The following C12orf56 variants were observed in gnomAD, a reference collection of about 807,000 sequenced individuals.
The protein encoded by C12orf56 is chromosome 12 open reading frame 56, also known as uncharacterized protein C12orf56.
A neutral mutation model predicts 69.9 loss-of-function variants in C12orf56; 71 were observed. The observed-to-expected ratio is 1.02, with a 90% confidence interval of 0.84 to 1.24. The LOEUF (loss-of-function observed/expected upper bound fraction) is 1.24, where lower values mean the gene tolerates loss of function less well. Ranked by LOEUF, C12orf56 falls within the 50% of genes most tolerant of loss-of-function variation. C12orf56 has a pLI of 0.00. For missense variants in C12orf56, 732 were observed against 738.5 expected (o/e 0.99, Z 0.10); for synonymous variants, 276 against 274.1 (o/e 1.01, Z -0.07).
intron 3 of C12orf56, among the ~76,000 whole-genome samples, chr12:64,329,774 G>A (rs570176512): frequency 1.6e-4 from 23 of 147,442 alleles, no homozygotes; most frequent in African/African-American, 4.8e-4. Context: ...AGAATATGCC[G>A]TGTTTGGTTT....
In C12orf56 at chr12:64,318,960, G is replaced by A; in HGVS notation, c.509C>T (p.Thr170Ile). 1 of 1,503,504 alleles carries A rather than the reference G, an allele frequency of 6.7e-7. No individual in the cohort carries two copies. The highest frequency in any genetic ancestry group is 8.8e-7 in the Non-Finnish European group (1 of 1,130,850). The allele number at this position is 1,503,504 out of a possible 1,614,324, so 93.1% of individuals were successfully genotyped here. ...SPLRDQQESSTPSKDSTLCPR... is the reference protein window; with the variant it reads ...SPLRDQQESSIPSKDSTLCPR... Reference sequence around the variant, plus strand: ...ACAGAGAGTTGAGTCCTTGGATGGTGTACTGCTCTCCTGCTGGTCCCTGTC... The same window carrying A: ...ACAGAGAGTTGAGTCCTTGGATGGTATACTGCTCTCCTGCTGGTCCCTGTC... The change falls in exon 4 of 13, where the codon ACA (threonine) becomes ATA (isoleucine). Residue 170 changes from threonine to isoleucine, a missense_variant. Thr to Ile is a moderately conservative substitution (Grantham distance 89). Transcript: ENST00000543942.
At chr12:64,357,613 C>T (rs1385898592) in intron 1 of C12orf56, among the ~76,000 whole-genome samples, 2 of 151,836 alleles carry the variant, frequency 1.3e-5, no homozygotes, top group African/African-American at 2.4e-5. Flanking sequence ...GATGAGATCT[C>T]GGGCCAGGTG....
chr12:64,350,876 T>C (rs910053053), intron 2 of C12orf56, among the ~76,000 whole-genome samples: 3 of 152,228 alleles, frequency 2.0e-5, no homozygotes, highest in African/African-American at 7.2e-5. Context: ...AACTCAGTCC[T>C]ATCATGATTT....
At chr12:64,312,981 C>T (rs772466418) in intron 4 of C12orf56, among the ~76,000 whole-genome samples, 2 of 151,896 alleles carry the variant, frequency 1.3e-5, no homozygotes, top group Admixed American at 6.6e-5. Context: ...ATTATTTAGG[C>T]CGGGTGCGGT....
intron 1 of C12orf56, among the ~76,000 whole-genome samples, chr12:64,363,924 T>C (rs2135963361): frequency 6.6e-6 from 1 of 152,302 alleles, no homozygotes; most frequent in East Asian, 1.9e-4. Flanking sequence ...TTTCCTCAAA[T>C]AGATAACTCC....
intron 5 of C12orf56, among the ~76,000 whole-genome samples, chr12:64,311,161 G>C (rs2038607280): frequency 6.6e-6 from 1 of 152,072 alleles, no homozygotes; most frequent in African/African-American, 2.4e-5. Flanking sequence ...CTATTGCCAG[G>C]CGTGGTGGCT....
chr12:64,336,421 G>T (rs1022504125), intron 2 of C12orf56, among the ~76,000 whole-genome samples: 2 of 151,838 alleles, frequency 1.3e-5, no homozygotes, highest in Non-Finnish European at 2.9e-5. Context: ...ATCAAACTTC[G>T]ATCTGTTTTA....
chr12:64,365,266 G>A (rs2039450044), intron 1 of C12orf56, among the ~76,000 whole-genome samples: 4 of 149,472 alleles, frequency 2.7e-5, no homozygotes, highest in Admixed American at 1.4e-4. Flanking sequence ...CCGGTTTCAA[G>A]TGATTCTCCT....
At chr12:64,286,334 C>T (rs1268524029) in intron 6 of C12orf56, among the ~76,000 whole-genome samples, 1 of 152,164 alleles carries the variant, frequency 6.6e-6, no homozygotes, top group Non-Finnish European at 1.5e-5. Context: ...TGAAGATCAT[C>T]CAGAAGCAGG....
At chr12:64,300,292 G>A (rs1258972477) in intron 6 of C12orf56, among the ~76,000 whole-genome samples, 2 of 151,934 alleles carry the variant, frequency 1.3e-5, no homozygotes, top group Non-Finnish European at 2.9e-5. Flanking sequence ...TGAAGTGGCG[G>A]GTCAGGTCTG....
In C12orf56 at chr12:64,301,025, T is replaced by TTC. The variant is rs148592544; in HGVS notation, c.1113+2608_1113+2609dup. Among the ~76,000 whole-genome samples, 6 of 151,880 alleles carry TTC rather than the reference T, an allele frequency of 4.0e-5. No homozygotes were observed. In the East Asian group the frequency reaches 9.7e-4, roughly 24 times the overall value. On this transcript the variant is annotated intron_variant, in intron 6 of 12. Transcript: ENST00000543942. ...TAAAAGTGGCAGTTTCCCCTGCACA[T>TTC]TCTCTCTCTCTCTCCTGTTGCCATG...
intron 1 of C12orf56, among the ~76,000 whole-genome samples, chr12:64,362,746 T>TA (rs2039415390): frequency 6.6e-6 from 1 of 151,698 alleles, no homozygotes; most frequent in Non-Finnish European, 1.5e-5. Context: ...GGCTACTCCA[T>TA]AAAAAAATAG....
At chr12:64,369,390 G>T (rs1351302696) in intron 1 of C12orf56, among the ~76,000 whole-genome samples, 2 of 151,852 alleles carry the variant, frequency 1.3e-5, no homozygotes, top group Non-Finnish European at 2.9e-5. Flanking sequence ...TAGAGACAGG[G>T]TTTCGCCATA....
chr12:64,385,531 G>A (rs1460788381), intron 1 of C12orf56, among the ~76,000 whole-genome samples: 1 of 152,172 alleles, frequency 6.6e-6, no homozygotes, highest in Non-Finnish European at 1.5e-5. Flanking sequence ...TTGTTCCTAA[G>A]ATCAGTGCTT....
At chr12:64,271,694 C>T (rs1565732509) in intron 11 of C12orf56, among the ~76,000 whole-genome samples, 1 of 152,160 alleles carries the variant, frequency 6.6e-6, no homozygotes, top group Non-Finnish European at 1.5e-5. Context: ...GTTGACAAAA[C>T]ATTATATATA....
intron 3 of C12orf56, among the ~76,000 whole-genome samples, chr12:64,326,632 G>A (rs1189976065): frequency 1.3e-5 from 2 of 152,014 alleles, no homozygotes; most frequent in African/African-American, 4.8e-5. Context: ...AGTTACTCAG[G>A]AGGCTAAGGC....
chr12:64,375,117 G>C (rs750808717), intron 1 of C12orf56, among the ~76,000 whole-genome samples: 5 of 151,584 alleles, frequency 3.3e-5, no homozygotes, highest in Non-Finnish European at 4.4e-5. Flanking sequence ...GAGTACAGTG[G>C]TGTGACCATG....
chr12:64,314,043 C>CAA (rs762340003), intron 4 of C12orf56, among the ~76,000 whole-genome samples: 201 of 66,510 alleles, frequency 3.0e-3, no homozygotes, highest in African/African-American at 7.2e-3. Context: ...AACTCTGTCT[C>CAA]AAAAAAAAAA....
chr12:64,320,020 C>A (rs975687590), intron 3 of C12orf56, among the ~76,000 whole-genome samples: 1 of 152,246 alleles, frequency 6.6e-6, no homozygotes, highest in African/African-American at 2.4e-5. Flanking sequence ...CCTCCGGATC[C>A]GGCAGGGTGT....
Sources: allele counts gnomAD v4.1 joint callset (sites outside exome capture counted in the v4.1 genomes callset), GRCh38; gene constraint gnomAD v4.1.1; transcripts MANE v1.5; gene names NCBI Gene and HGNC (gene_info 2026-07-23, HGNC 2026-07-21).